RFTN1: variants seen among roughly 807,000 people sequenced by gnomAD.
RFTN1 encodes the protein raftlin, lipid raft linker 1.
In RFTN1, 26 loss-of-function variants were observed where a neutral mutation model predicts 46.5. The observed-to-expected ratio is 0.56, with a 90% confidence interval of 0.41 to 0.78. The LOEUF is 0.78. Ranked by LOEUF, RFTN1 falls within the 30% of genes least tolerant of loss-of-function variation. RFTN1 has a pLI of 0.00. For missense variants in RFTN1, 693 were observed against 718.7 expected (o/e 0.96, Z 0.41); for synonymous variants, 261 against 284.2 (o/e 0.92, Z 0.82).
At position 16,451,042 on chromosome 3, in the gene RFTN1, C is replaced by G. The variant is rs2075814699; in HGVS notation, c.146-17005G>C. Among the ~76,000 whole-genome samples, 1 of 152,178 alleles carries G rather than the reference C, an allele frequency of 6.6e-6. No homozygotes were observed. The highest frequency in any genetic ancestry group is 1.5e-5 in the Non-Finnish European group (1 of 68,042). ...GGGATAGAAAACGGAGGCTCACGTA[C>G]CTGTGCATAAATGCTCACTAAGGTC... On this transcript the variant is annotated intron_variant, in intron 2 of 9. Coordinates refer to ENST00000334133, the MANE Select transcript of RFTN1 (RefSeq NM_015150.2). The surrounding 1 kb of genome is among the most constrained non-coding windows in gnomAD (Gnocchi z 4.2).
intron 3 of RFTN1, among the ~76,000 whole-genome samples, chr3:16,417,035 G>T (rs1424502970): frequency 7.0e-6 from 1 of 142,960 alleles, no homozygotes; most frequent in African/African-American, 2.6e-5. Context: ...TTGAGACAGG[G>T]TCTCACTCTG....
intron 2 of RFTN1, among the ~76,000 whole-genome samples, chr3:16,488,935 C>T (rs1325513239): frequency 6.6e-6 from 1 of 152,184 alleles, no homozygotes; most frequent in Non-Finnish European, 1.5e-5. Flanking sequence ...AGATGTTTAT[C>T]AACCAGTGAA....
At position 16,327,473 on chromosome 3, in the gene RFTN1, G is replaced by A. The variant is rs779333311; in HGVS notation, c.1147-597C>T. On this transcript the variant is annotated intron_variant, in intron 7 of 9. Transcript: ENST00000334133. This position sits in a 1 kb window ranked among gnomAD's most constrained non-coding sequence, Gnocchi z 4.2. ...ATTTGTCTTTCAGTTAAAAAACTCA[G>A]CCCCGGCCGGGTGCTGTGGCTCACG... Among the ~76,000 whole-genome samples the A allele has an allele frequency of 4.6e-5, 7 of 152,132 alleles. No homozygotes were observed. Among genetic ancestry groups the A allele is most frequent in the Non-Finnish European group, 7.4e-5 (5 of 68,018 alleles).
rs1454243686 is a variant in RFTN1, at chr3:16,383,190, A to T, written c.442-5088T>A. Among the ~76,000 whole-genome samples the T allele has an allele frequency of 6.6e-6, 1 of 152,136 alleles. No homozygotes were observed. The highest frequency in any genetic ancestry group is 1.5e-5 in the Non-Finnish European group (1 of 68,018). ...AGCCCAACCTGATGCCTCTTCAACG[A>T]TACCACTCTTTCCACTTCAGATAAT... On this transcript the variant is annotated intron_variant, in intron 4 of 9. Transcript: ENST00000334133. The surrounding 1 kb of genome is among the most constrained non-coding windows in gnomAD (Gnocchi z 4.0).
At chr3:16,486,465 G>C (rs537162967) in intron 2 of RFTN1, among the ~76,000 whole-genome samples, 2 of 152,256 alleles carry the variant, frequency 1.3e-5, no homozygotes, top group South Asian at 2.1e-4. Context: ...AACTGCCTGT[G>C]GCTCCCCACA....
Position 16,338,130 on chromosome 3 carries a change from C to G in RFTN1, c.1147-11254G>C, listed in dbSNP as rs1379000021. Among the ~76,000 whole-genome samples the G allele has an allele frequency of 6.6e-6, 1 of 152,206 alleles. No homozygotes were observed. Among genetic ancestry groups the G allele is most frequent in the Non-Finnish European group, 1.5e-5 (1 of 68,034 alleles). ...CTGGGACACGCTGGGTGATCTGGTC[C>G]TGGTACATGCGGTTTCTCTAACGTC... On this transcript the variant is annotated intron_variant, in intron 7 of 9. Coordinates refer to ENST00000334133, the MANE Select transcript of RFTN1 (RefSeq NM_015150.2). The surrounding 1 kb of genome is among the most constrained non-coding windows in gnomAD (Gnocchi z 5.3).
chr3:16,370,230 G>A lies in RFTN1; in HGVS notation c.876C>T (p.Cys292=). 6.2e-7 allele frequency: 1 copy of A among 1,614,196 alleles called. No individual in the cohort carries two copies. The highest frequency in any genetic ancestry group is 8.5e-7 in the Non-Finnish European group (1 of 1,180,032). The change falls in exon 6 of 10, where the codon TGC becomes TGT. Residue 292 remains cysteine (C), a synonymous_variant. Transcript: ENST00000334133. This position sits in a 1 kb window ranked among gnomAD's most constrained non-coding sequence, Gnocchi z 5.5. ...LFNKPKSHQK[C]RQYYPVTIPL... The stretch of plus-strand genomic sequence containing the variant: ...GAATGGTGACAGGGTAGTATTGCCG[G>A]CACTTCTGATGGCTCTTCGGTTTGT...
rs2075770425 is a variant in RFTN1 at position 16,448,373 on chromosome 3, C to T, written c.146-14336G>A. On this transcript the variant is annotated intron_variant, in intron 2 of 9. Transcript: ENST00000334133. This position sits in a 1 kb window ranked among gnomAD's most constrained non-coding sequence, Gnocchi z 4.1. ...CTTACAGTCCAAAAAAAAACATGAT[C>T]CCTTGTTGACTTTTATGGAGGTGCC... 6.6e-6 allele frequency among the ~76,000 whole-genome samples: 1 copy of T among 152,018 alleles called. No homozygotes were observed. Among genetic ancestry groups the T allele is most frequent in the Admixed American group, 6.6e-5 (1 of 15,254 alleles).
At chr3:16,357,153 C>CAA (rs936303579) in intron 7 of RFTN1, among the ~76,000 whole-genome samples, 11 of 114,994 alleles carry the variant, frequency 9.6e-5, no homozygotes, top group African/African-American at 2.6e-4. Flanking sequence ...AACAAACAAA[C>CAA]AAAAAAAACC....
rs79463850 is a variant in RFTN1 at position 16,336,663 on chromosome 3, ATT to A, written c.1147-9789_1147-9788del. 2.0e-5 allele frequency among the ~76,000 whole-genome samples: 3 copies of A among 149,588 alleles called. No homozygotes were observed. Among genetic ancestry groups the A allele is most frequent in the East Asian group, 3.9e-4 (2 of 5,120 alleles). ...GCTTTCATAATGTTCAAAGAGAATA[ATT>A]TTTTTTTTTTAAAAAAGCTTAGTTC... On this transcript the variant is annotated intron_variant, in intron 7 of 9. Transcript: ENST00000334133. This position sits in a 1 kb window ranked among gnomAD's most constrained non-coding sequence, Gnocchi z 6.0.
intron 3 of RFTN1, among the ~76,000 whole-genome samples, chr3:16,431,599 C>T (rs1195435755): frequency 1.3e-5 from 2 of 152,050 alleles, no homozygotes; most frequent in African/African-American, 4.8e-5. Flanking sequence ...AAGGATGTGC[C>T]AGTGATCTGA....
In RFTN1 at chr3:16,317,010, G is replaced by C; in HGVS notation, c.1555C>G (p.Gln519Glu). The C allele has an allele frequency of 6.2e-7, 1 of 1,613,682 alleles. No homozygotes were observed. Among genetic ancestry groups the C allele is most frequent in the Admixed American group, 1.7e-5 (1 of 59,998 alleles). The change falls in exon 10 of 10, where the codon CAG becomes GAG. Residue 519 changes from glutamine (Q) to glutamate (E), a missense_variant. By Grantham distance (29) the Gln-to-Glu change is conservative (BLOSUM62 2). Coordinates refer to ENST00000334133, the MANE Select transcript of RFTN1 (RefSeq NM_015150.2). This position sits in a 1 kb window ranked among gnomAD's most constrained non-coding sequence, Gnocchi z 4.3. The part of the protein sequence containing the change: ...KGPVQEDKGE[Q>E]LSPGGLLCGV... ...CACAGCAGGCCACCAGGGGACAGCT[G>C]TTCTCCCTTGTCCTCTTGGACAGGG...
intron 3 of RFTN1, among the ~76,000 whole-genome samples, chr3:16,423,880 G>T (rs1260689246): frequency 6.6e-6 from 1 of 152,166 alleles, no homozygotes; most frequent in Non-Finnish European, 1.5e-5. Context: ...GGACCCAAAA[G>T]ACACGTAATA....
At chr3:16,456,884 T>C (rs1198945248) in intron 2 of RFTN1, among the ~76,000 whole-genome samples, 1 of 152,242 alleles carries the variant, frequency 6.6e-6, no homozygotes, top group Non-Finnish European at 1.5e-5. Flanking sequence ...TGAGAACCAC[T>C]GACCTAGAGT....
Position 16,479,048 on chromosome 3 carries a change from G to A in RFTN1, c.145+14677C>T, listed in dbSNP as rs1014812842. ...GGCAGGGGTCACTGGGGGCCATCTT[G>A]GCAGATGTCCACCATGCTACTTGAT... On this transcript the variant is annotated intron_variant, in intron 2 of 9. Transcript: ENST00000334133. The surrounding 1 kb of genome is among the most constrained non-coding windows in gnomAD (Gnocchi z 5.1). Among the ~76,000 whole-genome samples, 3 of 152,194 alleles carry A rather than the reference G, an allele frequency of 2.0e-5. No homozygotes were observed. Among genetic ancestry groups the A allele is most frequent in the African/African-American group, 7.2e-5 (3 of 41,436 alleles).
chr3:16,487,455 T>C (rs758003439), intron 2 of RFTN1, among the ~76,000 whole-genome samples: 13 of 152,276 alleles, frequency 8.5e-5, no homozygotes, highest in African/African-American at 1.2e-4. Flanking sequence ...AAACGTTCTC[T>C]GTCTGCGCTG....
Position 16,499,620 on chromosome 3 carries a change from C to T in RFTN1, c.-8-5743G>A, listed in dbSNP as rs998637095. 2.6e-5 allele frequency among the ~76,000 whole-genome samples: 4 copies of T among 152,238 alleles called. No individual in the cohort carries two copies. The highest frequency in any genetic ancestry group is 4.4e-5 in the Non-Finnish European group (3 of 68,042). On this transcript the variant is annotated intron_variant, in intron 1 of 9. Transcript: ENST00000334133. The surrounding 1 kb of genome is among the most constrained non-coding windows in gnomAD (Gnocchi z 4.9). ...GCAGATTCCTGAGCAAAATAAGCTA[C>T]TGTTGTTGTTTTAAGCTTCTAAGTT...
In RFTN1 at chr3:16,341,267, A is replaced by G. The variant is rs1382824869; in HGVS notation, c.1147-14391T>C. 6.6e-6 allele frequency among the ~76,000 whole-genome samples: 1 copy of G among 152,248 alleles called. No homozygotes were observed. The highest frequency in any genetic ancestry group is 2.4e-5 in the African/African-American group (1 of 41,466). The stretch of plus-strand genomic sequence containing the variant: ...TTGGCAGTTTCTTACAAAACTAGAC[A>G]TACTTTACAATATGATCCAGCAATC... On this transcript the variant is annotated intron_variant, in intron 7 of 9. Coordinates refer to ENST00000334133, the MANE Select transcript of RFTN1 (RefSeq NM_015150.2). This position sits in a 1 kb window ranked among gnomAD's most constrained non-coding sequence, Gnocchi z 4.7.
At chr3:16,492,836 C>T (rs191609768) in intron 2 of RFTN1, among the ~76,000 whole-genome samples, 66 of 152,342 alleles carry the variant, frequency 4.3e-4, no homozygotes, top group African/African-American at 1.5e-3. Flanking sequence ...GACAGGCTCA[C>T]GACTTCCCCC....
Sources: allele counts gnomAD v4.1 joint callset (sites outside exome capture counted in the v4.1 genomes callset), GRCh38; gene constraint gnomAD v4.1.1; non-coding constraint Gnocchi (gnomAD v3.1); transcripts MANE v1.5; gene names NCBI Gene and HGNC (gene_info 2026-07-23, HGNC 2026-07-21).